Variants in EXOC4 observed in about 807,000 individuals in gnomAD.
The protein encoded by EXOC4 is exocyst complex component 4.
Under a neutral mutation model 107.2 loss-of-function variants are expected in EXOC4, and 71 were observed. The ratio of observed to expected loss-of-function variants is 0.66; its 90% confidence interval spans 0.55 to 0.81. EXOC4 has a LOEUF of 0.81. EXOC4 is among the 30% of genes least tolerant of loss of function. EXOC4 has a pLI of 0.00. For missense variants in EXOC4, 1,108 were observed against 1,189.6 expected, an observed-to-expected ratio of 0.93 and a Z score of 1.01; for synonymous variants, 456 against 441.2, an observed-to-expected ratio of 1.03 and a Z score of -0.42.
chr7:134,068,613 G>A (rs1193454789), downstream of EXOC4, among the ~76,000 whole-genome samples: 2 of 152,104 alleles, frequency 1.3e-5, no homozygotes, highest in African/African-American at 2.4e-5. Context: ...CCCATCCTTA[G>A]GTACTATTAC....
chr7:133,967,360 C>A (rs751341978), intron 14 of EXOC4, among the ~76,000 whole-genome samples: 2 of 151,956 alleles, frequency 1.3e-5, no homozygotes, highest in Non-Finnish European at 2.9e-5. Context: ...TATTTATTCT[C>A]TTCTGCTAGC....
chr7:133,810,460 C>T (rs971704509), intron 10 of EXOC4, among the ~76,000 whole-genome samples: 51 of 152,036 alleles, frequency 3.4e-4, no homozygotes, highest in African/African-American at 1.1e-3. Context: ...TAACTTGCTG[C>T]AAGAAAGTAA....
chr7:134,012,955 A>G (rs1473752360), intron 17 of EXOC4, among the ~76,000 whole-genome samples: 1 of 152,170 alleles, frequency 6.6e-6, no homozygotes, highest in East Asian at 1.9e-4. Context: ...TTAGCTCAAG[A>G]CAGAGAACTG....
chr7:133,620,368 A>T (rs1802301629), intron 9 of EXOC4, among the ~76,000 whole-genome samples: 2 of 152,118 alleles, frequency 1.3e-5, no homozygotes, highest in Admixed American at 6.6e-5. Flanking sequence ...CAAAAAACCT[A>T]GCATTAGGGT....
intron 1 of EXOC4, chr7:133,253,628 T>G (rs1223983748): frequency 1.8e-6 from 1 of 558,050 alleles, no homozygotes; most frequent in Non-Finnish European, 2.3e-6. Flanking sequence ...GTTGCAGATT[T>G]GTGTTTTCAC....
intron 11 of EXOC4, among the ~76,000 whole-genome samples, chr7:133,883,360 G>A (rs57462344): frequency 6.8e-6 from 1 of 146,700 alleles, no homozygotes; most frequent in South Asian, 2.2e-4. Flanking sequence ...AAAATGATTA[G>A]GCCAGGCACA....
At chr7:133,268,908 T>C (rs1338094964) in intron 1 of EXOC4, among the ~76,000 whole-genome samples, 2 of 152,234 alleles carry the variant, frequency 1.3e-5, no homozygotes, top group Admixed American at 6.5e-5. Flanking sequence ...GCTGTCTTAA[T>C]GAAAAATTCT....
intron 10 of EXOC4, among the ~76,000 whole-genome samples, chr7:133,772,454 C>T (rs559092806): frequency 6.6e-6 from 1 of 152,024 alleles, no homozygotes; most frequent in South Asian, 2.1e-4. Flanking sequence ...CTCACATGTG[C>T]ACCAGCACGG....
intron 9 of EXOC4, chr7:133,484,190 T>TA: frequency 3.2e-6 from 5 of 1,546,010 alleles, no homozygotes; most frequent in Non-Finnish European, 4.4e-6. Context: ...ATAAAAGGAT[T>TA]AAAAAAATGA....
At chr7:133,282,631 CT>C (rs987454440) in intron 2 of EXOC4, among the ~76,000 whole-genome samples, 42 of 150,904 alleles carry the variant, frequency 2.8e-4, no homozygotes, top group African/African-American at 5.6e-4. Flanking sequence ...TTAAAAAAAC[CT>C]TTTTTTTTAA....
At chr7:134,023,406 A>G (rs1362144186) in intron 17 of EXOC4, among the ~76,000 whole-genome samples, 1 of 152,166 alleles carries the variant, frequency 6.6e-6, no homozygotes, top group Non-Finnish European at 1.5e-5. Context: ...ACTAGGTAGT[A>G]ATGACAAACT....
At chr7:133,641,606 G>A (rs1042601362) in intron 10 of EXOC4, among the ~76,000 whole-genome samples, 5 of 152,110 alleles carry the variant, frequency 3.3e-5, no homozygotes, top group African/African-American at 4.8e-5. Flanking sequence ...TGCCAGTATC[G>A]CTGTCACCTG....
chr7:133,309,338 A>G (rs1201052540), intron 4 of EXOC4, among the ~76,000 whole-genome samples: 3 of 152,208 alleles, frequency 2.0e-5, no homozygotes, highest in African/African-American at 4.8e-5. Context: ...AACAAAATCT[A>G]TAAAGTTGAA....
At chr7:133,606,557 C>A (rs1451566488) in intron 9 of EXOC4, among the ~76,000 whole-genome samples, 1 of 150,422 alleles carries the variant, frequency 6.6e-6, no homozygotes, top group Non-Finnish European at 1.5e-5. Flanking sequence ...CTCTCTTGCC[C>A]AGGCCGGAGT....
chr7:133,481,193 A>ATG (rs990021435), intron 9 of EXOC4: 5 of 152,134 alleles, frequency 3.3e-5, no homozygotes, highest in African/African-American at 9.7e-5. Context: ...AAGTATACAT[A>ATG]TGTGTGTGTG....
intron 10 of EXOC4, among the ~76,000 whole-genome samples, chr7:133,781,809 A>G (rs1304057735): frequency 1.3e-5 from 2 of 151,900 alleles, no homozygotes; most frequent in Admixed American, 6.6e-5. Flanking sequence ...TGGACTTACA[A>G]CTCTTAATGC....
At chr7:133,608,478 C>A (rs536359962) in intron 9 of EXOC4, among the ~76,000 whole-genome samples, 1 of 148,718 alleles carries the variant, frequency 6.7e-6, no homozygotes, top group African/African-American at 2.5e-5. Context: ...GTGCATTGTA[C>A]TAAAGACCCT....
chr7:133,344,000 A>G (rs889303304), intron 5 of EXOC4, among the ~76,000 whole-genome samples: 1 of 151,862 alleles, frequency 6.6e-6, no homozygotes, highest in Non-Finnish European at 1.5e-5. Flanking sequence ...GTTTTTTTGT[A>G]GAGATGGGGT....
chr7:133,739,378 C>T (rs1795516226), intron 10 of EXOC4, among the ~76,000 whole-genome samples: 1 of 152,016 alleles, frequency 6.6e-6, no homozygotes, highest in Non-Finnish European at 1.5e-5. Context: ...GTTCACAAGG[C>T]AGGCCATCAG....
Sources: gnomAD v4.1 joint callset for allele counts (sites outside exome capture counted in the v4.1 genomes callset) on GRCh38, gnomAD v4.1.1 for gene constraint, MANE v1.5 for transcripts, NCBI Gene and HGNC (gene_info 2026-07-23, HGNC 2026-07-21) for gene names.